SLC4A5: variants seen among roughly 807,000 people sequenced by gnomAD.
The protein encoded by SLC4A5 is solute carrier family 4 member 5.
SLC4A5 carries 96 observed loss-of-function variants against 120.4 expected under a neutral mutation model. The ratio of observed to expected loss-of-function variants is 0.80; its 90% CI spans 0.68 to 0.94. The LOEUF (loss-of-function observed/expected upper bound fraction) is 0.94. SLC4A5 is among the 40% of genes least tolerant of loss of function. The probability of loss-of-function intolerance (pLI) is 0.00; values close to 1 mark genes in which losing one functional copy is unlikely to be tolerated. For missense variants in SLC4A5, 1,259 were observed against 1,459.5 expected (o/e 0.86, Z 2.24); for synonymous variants, 550 against 571.1 (o/e 0.96, Z 0.53).
chr2:74,267,961 G>A (rs1671355411), intron 8 of SLC4A5, among the ~76,000 whole-genome samples: 1 of 152,246 alleles, frequency 6.6e-6, no homozygotes, highest in South Asian at 2.1e-4. Context: ...CTCCAGCCTG[G>A]GTAACAGAGT....
chr2:74,246,921 T>C, intron 19 of SLC4A5, 115 bp downstream of exon 19: 1 of 1,361,532 alleles, frequency 7.3e-7, no homozygotes, highest in Non-Finnish European at 1.0e-6. Flanking sequence ...CTTGGAACTG[T>C]AAGCCCTTGG....
intron 30 of SLC4A5, among the ~76,000 whole-genome samples, chr2:74,219,178 T>G (rs1263770830): frequency 6.5e-4 from 19 of 29,394 alleles, no homozygotes; most frequent in South Asian, 5.0e-3. Context: ...TCTTTGGAGG[T>G]GTGTGTGTGT....
chr2:74,225,003 G>A lies in SLC4A5; in HGVS notation c.3091-8C>T. 1 of 1,604,300 alleles carries A rather than the reference G, an allele frequency of 6.2e-7. No homozygotes were observed. Among genetic ancestry groups the A allele is most frequent in the Non-Finnish European group, 8.5e-7 (1 of 1,177,696 alleles). On this transcript the variant is annotated splice_region_variant and splice_polypyrimidine_tract_variant and intron_variant, in intron 27 of 30. Transcript: ENST00000394019. ...GATGATGAGGCCCAGGATCTGTGGT[G>A]GAGAGAGACTAAAGTTTTGTGAGAA...
At chr2:74,303,439 G>A (rs1672537338) in intron 7 of SLC4A5, among the ~76,000 whole-genome samples, 2 of 152,104 alleles carry the variant, frequency 1.3e-5, no homozygotes, top group African/African-American at 4.8e-5. Flanking sequence ...GCTATATATA[G>A]TAGAAACCAA....
intron 8 of SLC4A5, among the ~76,000 whole-genome samples, chr2:74,283,818 C>T (rs1671889831): frequency 6.6e-6 from 1 of 151,460 alleles, no homozygotes; most frequent in Admixed American, 6.6e-5. Flanking sequence ...GAGCTACACT[C>T]GACCTGACAA....
chr2:74,333,882 G>C (rs1397799009), intron 4 of SLC4A5, 145 bp downstream of exon 4: 1 of 152,196 alleles, frequency 6.6e-6, no homozygotes, highest in Non-Finnish European at 1.5e-5. Flanking sequence ...AAAATTCTTT[G>C]AAGAAAATAG....
intron 16 of SLC4A5, among the ~76,000 whole-genome samples, chr2:74,251,161 G>A (rs987345218): frequency 1.3e-5 from 2 of 152,034 alleles, no homozygotes; most frequent in Non-Finnish European, 2.9e-5. Flanking sequence ...ATGCACTGCA[G>A]GATGTTTAGC....
intron 5 of SLC4A5, among the ~76,000 whole-genome samples, chr2:74,315,602 T>TTATATAATATATATATATATATAA (rs1423054695): frequency 8.0e-5 from 12 of 150,538 alleles, no homozygotes; most frequent in African/African-American, 2.9e-4. Flanking sequence ...TTTATTATGC[T>TTATATAATATATATATATATATAA]TATATAATAA....
At chr2:74,225,575 G>A (rs1287741701) in intron 27 of SLC4A5, among the ~76,000 whole-genome samples, 1 of 152,122 alleles carries the variant, frequency 6.6e-6, no homozygotes, top group Admixed American at 6.5e-5. Flanking sequence ...CATCCTGGGC[G>A]ACAGAGCAAG....
chr2:74,226,032 C>G (rs1049707781), intron 27 of SLC4A5, among the ~76,000 whole-genome samples: 1 of 152,192 alleles, frequency 6.6e-6, no homozygotes, highest in African/African-American at 2.4e-5. Context: ...CCTGAGGGCA[C>G]TGGGGGGAGG....
At chr2:74,311,731 G>A (rs1672810720) in intron 6 of SLC4A5, among the ~76,000 whole-genome samples, 1 of 152,032 alleles carries the variant, frequency 6.6e-6, no homozygotes, top group South Asian at 2.1e-4. Flanking sequence ...AATGTGGTCT[G>A]TCTTGGTGGA....
At chr2:74,335,545 G>T (rs1673459947) in intron 3 of SLC4A5, among the ~76,000 whole-genome samples, 1 of 152,168 alleles carries the variant, frequency 6.6e-6, no homozygotes, top group Non-Finnish European at 1.5e-5. Context: ...CTGTGCCCCT[G>T]TGCCTCTCTC....
chr2:74,239,563 G>C, intron 20 of SLC4A5, 28 bp from the exon 21 acceptor site: 5 of 1,609,354 alleles, frequency 3.1e-6, no homozygotes, highest in Non-Finnish European at 4.3e-6. Flanking sequence ...GGAGAGAATG[G>C]GTCAGCATCT....
At chr2:74,249,693 AC>A (rs2103982666) in intron 17 of SLC4A5, among the ~76,000 whole-genome samples, 1 of 152,206 alleles carries the variant, frequency 6.6e-6, no homozygotes, top group African/African-American at 2.4e-5. Context: ...AAGATAAGGG[AC>A]GCAATGTCAG....
At chr2:74,265,003 G>A in intron 9 of SLC4A5, 101 bp downstream of exon 9, 1 of 1,335,608 alleles carries the variant, frequency 7.5e-7, no homozygotes, top group Non-Finnish European at 1.0e-6. Context: ...AGGTGTCAGA[G>A]ACGGGCCGTC....
chr2:74,306,652 CTTTTT>C, intron 6 of SLC4A5: 5 of 448,634 alleles, frequency 1.1e-5, no homozygotes, highest in Admixed American at 3.6e-5. Context: ...TAGTTCATTT[CTTTTT>C]TTTTTTTTTA....
intron 16 of SLC4A5, among the ~76,000 whole-genome samples, chr2:74,251,189 G>A (rs908500566): frequency 2.0e-5 from 3 of 151,894 alleles, no homozygotes; most frequent in African/African-American, 7.3e-5. Flanking sequence ...TACTAGATGC[G>A]AGTAGCATCT....
At chr2:74,260,502 T>G (rs1298720778) in intron 11 of SLC4A5, among the ~76,000 whole-genome samples, 1 of 152,146 alleles carries the variant, frequency 6.6e-6, no homozygotes, top group Non-Finnish European at 1.5e-5. Flanking sequence ...AGCTGCAGAC[T>G]CCTTGGAGCA....
chr2:74,318,454 G>A (rs1386019025), intron 5 of SLC4A5, among the ~76,000 whole-genome samples: 1 of 152,204 alleles, frequency 6.6e-6, no homozygotes, highest in Non-Finnish European at 1.5e-5. Context: ...GGAGGCAGAG[G>A]TGGGGGGGAT....
Sources: gnomAD v4.1 joint callset for allele counts (sites outside exome capture counted in the v4.1 genomes callset) on GRCh38, gnomAD v4.1.1 for gene constraint, MANE v1.5 for transcripts, NCBI Gene and HGNC (gene_info 2026-07-23, HGNC 2026-07-21) for gene names.